SLC22A25: variants seen among roughly 807,000 people sequenced by gnomAD.
SLC22A25 encodes the protein solute carrier family 22 member 25.
A neutral mutation model predicts 45.9 loss-of-function variants in SLC22A25; 44 were observed. The ratio of observed to expected loss-of-function variants is 0.96; its 90% CI spans 0.75 to 1.23. The LOEUF is 1.23. SLC22A25 is among the 50% of genes most tolerant of loss of function. The pLI is 0.00. For missense variants in SLC22A25, 800 were observed against 666.4 expected, an observed-to-expected ratio of 1.20 and a Z score of -2.21; for synonymous variants, 283 against 238.6, an observed-to-expected ratio of 1.19 and a Z score of -1.72.
chr11:63,173,244 C>A (rs965467964), intron 9 of SLC22A25, among the ~76,000 whole-genome samples: 1 of 151,954 alleles, frequency 6.6e-6, no homozygotes, highest in Admixed American at 6.6e-5. Context: ...GGTGGGAGAG[C>A]ATTGGGACAA....
chr11:63,231,503 T>A (rs2090068353), intron 3 of SLC22A25, among the ~76,000 whole-genome samples: 1 of 152,306 alleles, frequency 6.6e-6, no homozygotes, highest in African/African-American at 2.4e-5. Context: ...GGGTTCTTTT[T>A]TTCTTGTAAA....
chr11:63,241,543 C>T (rs978961193), intron 1 of SLC22A25, among the ~76,000 whole-genome samples: 1 of 152,132 alleles, frequency 6.6e-6, no homozygotes, highest in Non-Finnish European at 1.5e-5. Context: ...TCATCTGGAG[C>T]TCCTAGTCTC....
chr11:63,229,882 T>C lies in SLC22A25; in HGVS notation c.-230A>G, dbSNP rs2090037086. Among the ~76,000 whole-genome samples, 1 of 152,168 alleles carries C rather than the reference T, an allele frequency of 6.6e-6. No individual in the cohort carries two copies. Among genetic ancestry groups the C allele is most frequent in the Admixed American group, 6.6e-5 (1 of 15,262 alleles). The stretch of plus-strand genomic sequence containing the variant: ...GTTTTCTTTAGGGTCACATAAGAAA[T>C]AATTGGCTCAGATACTTCCAACCAT... On this transcript the variant is annotated 5_prime_UTR_variant, in exon 4 of 12. Coordinates refer to ENST00000306494, the MANE Select transcript of SLC22A25 (RefSeq NM_199352.6).
intron 1 of SLC22A25, among the ~76,000 whole-genome samples, chr11:63,239,488 G>A (rs529413140): frequency 6.6e-6 from 1 of 152,284 alleles, no homozygotes; most frequent in East Asian, 1.9e-4. Context: ...TATATTGTTA[G>A]CAGTCTTTTC....
chr11:63,201,900 T>C (rs1228656733), intron 7 of SLC22A25, among the ~76,000 whole-genome samples: 2 of 152,106 alleles, frequency 1.3e-5, no homozygotes, highest in East Asian at 3.9e-4. Context: ...CCCAGCGAGA[T>C]CAATGCAGAA....
chr11:63,166,558 A>G (rs1590771284), intron 9 of SLC22A25: 3 of 1,066,934 alleles, frequency 2.8e-6, no homozygotes, highest in East Asian at 6.9e-5. Context: ...ATGTAGCCAC[A>G]TGGCATCAAA....
chr11:63,184,306 C>T (rs2088438850), intron 7 of SLC22A25, among the ~76,000 whole-genome samples: 1 of 152,072 alleles, frequency 6.6e-6, no homozygotes, highest in South Asian at 2.1e-4. Flanking sequence ...CCTCAGTTTG[C>T]TCATCTATGT....
At chr11:63,211,558 G>A (rs939905126) in intron 7 of SLC22A25, among the ~76,000 whole-genome samples, 15 of 152,106 alleles carry the variant, frequency 9.9e-5, no homozygotes, top group Admixed American at 2.6e-4. Context: ...CAAGGCTGCC[G>A]CAAGGGTTTA....
At position 63,192,035 on chromosome 11, in the gene SLC22A25, G is replaced by A. The variant is rs117551387; in HGVS notation, c.831-8218C>T. ...CATCTTCAAAACACATAATATTCAGGTTCTCCAAGGTTGAAATGATGATAG... is the reference window on the plus strand; with the variant it reads ...CATCTTCAAAACACATAATATTCAGATTCTCCAAGGTTGAAATGATGATAG... On this transcript the variant is annotated intron_variant, in intron 7 of 11. Coordinates refer to ENST00000306494, the MANE Select transcript of SLC22A25 (RefSeq NM_199352.6). Among the ~76,000 whole-genome samples the A allele has an allele frequency of 2.0e-5, 3 of 152,204 alleles. No individual in the cohort carries two copies. The East Asian group carries it at 5.8e-4, about 29-fold the overall frequency.
At chr11:63,179,880 T>C (rs2088255565) in intron 9 of SLC22A25, among the ~76,000 whole-genome samples, 1 of 152,114 alleles carries the variant, frequency 6.6e-6, no homozygotes, top group Non-Finnish European at 1.5e-5. Flanking sequence ...CCATCAGTGC[T>C]CTGAGTGAGG....
intron 8 of SLC22A25, among the ~76,000 whole-genome samples, chr11:63,181,640 T>G (rs1326151749): frequency 6.6e-6 from 1 of 152,008 alleles, no homozygotes; most frequent in African/African-American, 2.4e-5. Flanking sequence ...ACTATGGTAT[T>G]GTTGGTGAGT....
chr11:63,216,374 A>G (rs896164303), intron 7 of SLC22A25, among the ~76,000 whole-genome samples: 2 of 152,216 alleles, frequency 1.3e-5, no homozygotes, highest in Non-Finnish European at 2.9e-5. Context: ...ATTACTGGGT[A>G]TATACCCAAA....
intron 3 of SLC22A25, among the ~76,000 whole-genome samples, chr11:63,234,807 T>G (rs2090134918): frequency 6.6e-6 from 1 of 152,232 alleles, no homozygotes; most frequent in Non-Finnish European, 1.5e-5. Flanking sequence ...AGTGCTTCCT[T>G]CAGGAGCTCT....
In SLC22A25 at chr11:63,159,454, T is replaced by A. The variant is rs1389622828; in HGVS notation, c.*4370A>T. Among the ~76,000 whole-genome samples the A allele has an allele frequency of 2.6e-5, 4 of 151,546 alleles. No homozygotes were observed. Reference sequence around the variant, plus strand: ...GATCTGAGGGTTTTATAAGGGGGAGTTTCCCTGCAGAAATTCTCTTTTCCC... The same window carrying A: ...GATCTGAGGGTTTTATAAGGGGGAGATTCCCTGCAGAAATTCTCTTTTCCC... On this transcript the variant is annotated 3_prime_UTR_variant, in exon 12 of 12. Transcript: ENST00000306494.
At chr11:63,236,824 A>G (rs2090172833) in intron 3 of SLC22A25, among the ~76,000 whole-genome samples, 1 of 151,946 alleles carries the variant, frequency 6.6e-6, no homozygotes, top group Non-Finnish European at 1.5e-5. Context: ...TTTATTAACT[A>G]TATGCATCTC....
rs892906840 is a variant in SLC22A25 at position 63,183,699 on chromosome 11, T to C, written c.949A>G (p.Met317Val). ...GMKNAEDILT[M>V]EVLKSTMKQE... ...CCAGCTCCCGTCTTGCTTACCTCCA[T>C]GGTTAGGATGTCTTCAGCATTCTTC... Residue 317 changes from methionine (M) to valine (V), a missense_variant, in exon 8 of 12, where the codon ATG becomes GTG. Coordinates refer to ENST00000306494, the MANE Select transcript of SLC22A25 (RefSeq NM_199352.6). 2 of 1,612,744 alleles carry C rather than the reference T, an allele frequency of 1.2e-6. No homozygotes were observed. Among genetic ancestry groups the C allele is most frequent in the African/African-American group, 2.7e-5 (2 of 74,852 alleles).
At chr11:63,192,726 T>A (rs1048024390) in intron 7 of SLC22A25, among the ~76,000 whole-genome samples, 1 of 151,908 alleles carries the variant, frequency 6.6e-6, no homozygotes, top group African/African-American at 2.4e-5. Flanking sequence ...CCAACAAACA[T>A]GAAATAGAGA....
chr11:63,236,471 C>T (rs1053576886), intron 3 of SLC22A25, among the ~76,000 whole-genome samples: 7 of 152,234 alleles, frequency 4.6e-5, no homozygotes, highest in Middle Eastern at 3.4e-3. Context: ...CCTGGTGTGC[C>T]GTTTGTGAAG....
intron 9 of SLC22A25, among the ~76,000 whole-genome samples, chr11:63,172,981 A>G (rs1198884970): frequency 1.3e-5 from 2 of 151,820 alleles, no homozygotes; most frequent in Non-Finnish European, 2.9e-5. Flanking sequence ...ATGCCCATCA[A>G]TGATAGACTG....
Sources: allele counts gnomAD v4.1 joint callset (sites outside exome capture counted in the v4.1 genomes callset), GRCh38; gene constraint gnomAD v4.1.1; transcripts MANE v1.5; gene names NCBI Gene and HGNC (gene_info 2026-07-23, HGNC 2026-07-21).